ROBO2: variants seen among roughly 807,000 people sequenced by gnomAD.
ROBO2 encodes roundabout guidance receptor 2, also known as roundabout homolog 2.
ROBO2 carries 53 observed loss-of-function variants against 160.8 expected under a neutral mutation model. The ratio of observed to expected loss-of-function variants is 0.33; its 90% CI spans 0.26 to 0.41. The LOEUF (loss-of-function observed/expected upper bound fraction) is 0.41. Ranked by LOEUF, ROBO2 falls within the 10% of genes least tolerant of loss-of-function variation. The pLI is 1.00. For synonymous variants in ROBO2, 664 were observed against 611.7 expected (o/e 1.09, Z -1.26); for missense variants, 1,577 against 1,722.4 (o/e 0.92, Z 1.49).
At chr3:76,746,496 T>C (rs1478491055) in intron 2 of ROBO2, among the ~76,000 whole-genome samples, 3 of 152,082 alleles carry the variant, frequency 2.0e-5, no homozygotes, top group South Asian at 2.1e-4. Flanking sequence ...CCAGCACCTG[T>C]TGTTTCCTGA....
intron 2 of ROBO2, among the ~76,000 whole-genome samples, chr3:76,949,265 A>T (rs965723394): frequency 6.6e-6 from 1 of 151,828 alleles, no homozygotes; most frequent in Non-Finnish European, 1.5e-5. Flanking sequence ...GTGTTTCTCA[A>T]TTTTTTGTCA....
chr3:76,438,408 G>T (rs3849492), intron 2 of ROBO2, among the ~76,000 whole-genome samples: 46,523 of 126,884 alleles, frequency 0.37, 8,871 homozygotes, highest in Non-Finnish European at 0.43. Context: ...AATGTAATCA[G>T]TTCACACACA....
chr3:77,387,694 G>T (rs968765205), intron 2 of ROBO2, among the ~76,000 whole-genome samples: 5 of 151,334 alleles, frequency 3.3e-5, no homozygotes, highest in African/African-American at 1.2e-4. Context: ...CTTTCCTTTT[G>T]TTCCTAAGCA....
chr3:76,020,627 G>A (rs1217905604), intron 2 of ROBO2, among the ~76,000 whole-genome samples: 1 of 151,616 alleles, frequency 6.6e-6, no homozygotes, highest in Non-Finnish European at 1.5e-5. Context: ...CTGCTATTTA[G>A]TCTTACTTAT....
At chr3:76,164,980 C>A (rs998381255) in intron 2 of ROBO2, among the ~76,000 whole-genome samples, 2 of 152,166 alleles carry the variant, frequency 1.3e-5, no homozygotes, top group African/African-American at 4.8e-5. Context: ...CACGGAGCTG[C>A]ATAGTCTCCT....
chr3:76,667,428 G>A (rs186692550), intron 2 of ROBO2, among the ~76,000 whole-genome samples: 39 of 152,250 alleles, frequency 2.6e-4, no homozygotes, highest in African/African-American at 9.1e-4. Flanking sequence ...TGTAGAGACG[G>A]TTTAGGCTTT....
At chr3:77,040,374 G>T in exon 1 of ROBO2, 1 of 1,005,774 alleles carries the variant, frequency 9.9e-7, no homozygotes, top group Non-Finnish European at 1.2e-6. Flanking sequence ...CAGCGCGCTG[G>T]CAAGTTTGTG....
At chr3:77,445,801 T>TG (rs1334944238) in intron 2 of ROBO2, among the ~76,000 whole-genome samples, 29 of 145,204 alleles carry the variant, frequency 2.0e-4, no homozygotes, top group African/African-American at 6.3e-4. Flanking sequence ...TTTGTTTTTT[T>TG]TTTTTTTTTT....
At chr3:76,184,594 T>TAGATAGATAGATA (rs1553669361) in intron 2 of ROBO2, among the ~76,000 whole-genome samples, 5 of 124,764 alleles carry the variant, frequency 4.0e-5, no homozygotes, top group Admixed American at 1.1e-4. Flanking sequence ...GATAGATAGA[T>TAGATAGATAGATA]AAGAGGGGAT....
intron 2 of ROBO2, among the ~76,000 whole-genome samples, chr3:77,322,773 C>T (rs1409539938): frequency 2.3e-5 from 3 of 129,368 alleles, no homozygotes; most frequent in East Asian, 4.4e-4. Flanking sequence ...TTATATTATA[C>T]ATATGTATTA....
chr3:77,419,262 TA>T (rs2077510746), intron 2 of ROBO2, among the ~76,000 whole-genome samples: 1 of 152,108 alleles, frequency 6.6e-6, no homozygotes, highest in African/African-American at 2.4e-5. Flanking sequence ...AATAGAATAA[TA>T]ATAAATGTTA....
intron 2 of ROBO2, among the ~76,000 whole-genome samples, chr3:76,446,292 T>G (rs901658314): frequency 6.6e-6 from 1 of 152,146 alleles, no homozygotes; most frequent in Admixed American, 6.5e-5. Context: ...CATTCACAAT[T>G]GCTTCAAAGA....
chr3:75,955,404 T>C (rs1243482102), intron 2 of ROBO2, among the ~76,000 whole-genome samples: 3 of 151,700 alleles, frequency 2.0e-5, no homozygotes, highest in Non-Finnish European at 4.4e-5. Context: ...AATGTCGATA[T>C]AACTTCTTTC....
intron 2 of ROBO2, among the ~76,000 whole-genome samples, chr3:77,394,759 GC>G (rs2075101593): frequency 7.1e-6 from 1 of 141,132 alleles, no homozygotes; most frequent in African/African-American, 3.2e-5. Flanking sequence ...TGTCATCATA[GC>G]TTTTTTAGCC....
chr3:77,316,746 A>G (rs1414263685), intron 2 of ROBO2: 6 of 950,264 alleles, frequency 6.3e-6, no homozygotes, highest in Non-Finnish European at 1.0e-5. Flanking sequence ...ATTGTATGGT[A>G]TTCATTCATG....
chr3:76,128,041 G>A lies in ROBO2; in HGVS notation c.109+190439G>A, dbSNP rs540744262. 3.7e-4 allele frequency among the ~76,000 whole-genome samples: 56 copies of A among 151,546 alleles called. 1 individual carries two copies. The South Asian group carries it at 6.3e-3, about 17-fold the overall frequency. Reference sequence around the variant, plus strand: ...CTCCTGAGTAGCTGGGACTACAGGCGCCCACCACCATGCCCAGCTAATTTT... The same window carrying A: ...CTCCTGAGTAGCTGGGACTACAGGCACCCACCACCATGCCCAGCTAATTTT... On this transcript the variant is annotated intron_variant, in intron 2 of 26. Coordinates refer to the ROBO2 transcript ENST00000487694.
At chr3:76,702,691 A>G (rs964427932) in intron 2 of ROBO2, among the ~76,000 whole-genome samples, 2 of 152,094 alleles carry the variant, frequency 1.3e-5, no homozygotes, top group African/African-American at 4.8e-5. Context: ...AATAATAAAG[A>G]TTTGAATCTA....
At chr3:76,696,927 G>A (rs1259629134) in intron 2 of ROBO2, among the ~76,000 whole-genome samples, 1 of 152,180 alleles carries the variant, frequency 6.6e-6, no homozygotes, top group Non-Finnish European at 1.5e-5. Flanking sequence ...CTGTTTGCAT[G>A]TGGAAATCTC....
At chr3:76,565,361 G>C (rs369633340) in intron 2 of ROBO2, among the ~76,000 whole-genome samples, 4 of 152,208 alleles carry the variant, frequency 2.6e-5, no homozygotes, top group African/African-American at 7.2e-5. Flanking sequence ...TCAAAAATCT[G>C]TGTGTAGTCA....
Sources: allele counts gnomAD v4.1 joint callset (sites outside exome capture counted in the v4.1 genomes callset), GRCh38; gene constraint gnomAD v4.1.1; transcripts MANE v1.5; gene names NCBI Gene and HGNC (gene_info 2026-07-23, HGNC 2026-07-21).